The following MAPKAPK2 variants were observed in gnomAD, a reference collection of about 807,000 sequenced individuals.
MAPKAPK2 encodes the protein MAP kinase-activated protein kinase 2.
Under a neutral mutation model 48.8 loss-of-function variants are expected in MAPKAPK2, and 9 were observed. The ratio of observed to expected loss-of-function variants is 0.18; its 90% confidence interval spans 0.11 to 0.32. The LOEUF is 0.32. MAPKAPK2 is among the 10% of genes least tolerant of loss of function. MAPKAPK2 has a pLI of 1.00. For synonymous variants in MAPKAPK2, 202 were observed against 190.6 expected (o/e 1.06, Z -0.49); for missense variants, 331 against 498.3 (o/e 0.66, Z 3.20).
At chr1:206,725,937 A>C (rs1236404559) in intron 1 of MAPKAPK2, among the ~76,000 whole-genome samples, 2 of 152,144 alleles carry the variant, frequency 1.3e-5, no homozygotes, top group Non-Finnish European at 2.9e-5. Flanking sequence ...GGACTGCTCT[A>C]TTTGGTTTTG....
intron 1 of MAPKAPK2, among the ~76,000 whole-genome samples, chr1:206,705,260 G>A (rs1431044495): frequency 6.6e-6 from 1 of 152,136 alleles, no homozygotes; most frequent in African/African-American, 2.4e-5. Flanking sequence ...GCAGAGGAGG[G>A]GCCCCGGCAG....
rs1348343672 is a variant in MAPKAPK2 at position 206,731,344 on chromosome 1, A to G, written c.892+82A>G. The G allele has an allele frequency of 1.5e-5, 24 of 1,583,496 alleles. No individual in the cohort carries two copies. Among genetic ancestry groups the G allele is most frequent in the South Asian group, 3.4e-5 (3 of 88,040 alleles). Reference sequence around the variant, plus strand: ...TATGTGTGTACACGCAGACACATGTATGGGCCTCCATCTCATGTGCGTGGT... The same window carrying G: ...TATGTGTGTACACGCAGACACATGTGTGGGCCTCCATCTCATGTGCGTGGT... On this transcript the variant is annotated intron_variant, in intron 7 of 9. Transcript: ENST00000367103. This position sits in a 1 kb window ranked among gnomAD's most constrained non-coding sequence, Gnocchi z 5.9.
rs1673938293 is a variant in MAPKAPK2 at position 206,732,232 on chromosome 1, G to A, written c.1059+313G>A. The A allele has an allele frequency of 2.0e-6, 3 of 1,515,426 alleles. No homozygotes were observed. Among genetic ancestry groups the A allele is most frequent in the East Asian group, 2.4e-5 (1 of 41,330 alleles). The allele number at this position is 1,515,426 out of a possible 1,614,324, so 93.9% of individuals were successfully genotyped here. On this transcript the variant is annotated intron_variant, in intron 9 of 9. Transcript: ENST00000367103. This position sits in a 1 kb window ranked among gnomAD's most constrained non-coding sequence, Gnocchi z 4.4. The stretch of plus-strand genomic sequence containing the variant: ...AGAGAAACTGAGGCCCAGAGGCGGA[G>A]GGCAGTCTGCTCAAGGTCACGCAGC...
intron 1 of MAPKAPK2, among the ~76,000 whole-genome samples, chr1:206,710,999 C>T (rs140093304): frequency 8.7e-4 from 133 of 152,020 alleles, no homozygotes; most frequent in Non-Finnish European, 1.5e-3. Flanking sequence ...ATGTTTTGAC[C>T]GAAATTTTTA....
intron 1 of MAPKAPK2, 53 bp downstream of exon 1, chr1:206,685,561 T>G: frequency 1.5e-6 from 2 of 1,365,824 alleles, no homozygotes; most frequent in Non-Finnish European, 1.9e-6. Context: ...GCCCTGGAGC[T>G]CCACGGCGTC....
At chr1:206,706,113 CTT>C (rs1672947666) in intron 1 of MAPKAPK2, among the ~76,000 whole-genome samples, 1 of 145,784 alleles carries the variant, frequency 6.9e-6, no homozygotes, top group Non-Finnish European at 1.5e-5. Context: ...TTTCCTATCT[CTT>C]ATTTATTTAT....
chr1:206,727,022 C>G (rs1673720680), intron 1 of MAPKAPK2, among the ~76,000 whole-genome samples: 1 of 152,128 alleles, frequency 6.6e-6, no homozygotes, highest in Admixed American at 6.6e-5. Context: ...TGCCTTCATG[C>G]CTTCCCTCTG....
chr1:206,730,924 C>T (rs1673880858), intron 6 of MAPKAPK2, among the ~76,000 whole-genome samples, 161 bp downstream of exon 6: 1 of 152,188 alleles, frequency 6.6e-6, no homozygotes, highest in African/African-American at 2.4e-5. Context: ...CGGGTGTAAA[C>T]CAGCTCATGG....
At chr1:206,729,934 C>G (rs532814859) in intron 4 of MAPKAPK2, 38 bp from the exon 5 acceptor site, 4 of 1,613,646 alleles carry the variant, frequency 2.5e-6, no homozygotes, top group African/African-American at 2.7e-5. Context: ...CCTCCCAGGT[C>G]CAGCAGGGTT....
At chr1:206,696,231 C>G (rs1672621612) in intron 1 of MAPKAPK2, 2 of 1,414,814 alleles carry the variant, frequency 1.4e-6, no homozygotes, top group Non-Finnish European at 2.0e-6. Context: ...GGCTGATGAC[C>G]TGTTCTTCCT....
At chr1:206,715,361 C>T (rs1553430168) in intron 1 of MAPKAPK2, among the ~76,000 whole-genome samples, 1 of 152,218 alleles carries the variant, frequency 6.6e-6, no homozygotes, top group Non-Finnish European at 1.5e-5. Flanking sequence ...GCAGACTACT[C>T]CCTTCGGGCC....
At chr1:206,698,833 G>C (rs1227338259) in intron 1 of MAPKAPK2, among the ~76,000 whole-genome samples, 1 of 152,152 alleles carries the variant, frequency 6.6e-6, no homozygotes, top group Non-Finnish European at 1.5e-5. Context: ...AGCTATTTGG[G>C]GGGTGGGAAG....
At chr1:206,699,569 C>A (rs564386078) in intron 1 of MAPKAPK2, among the ~76,000 whole-genome samples, 1 of 152,322 alleles carries the variant, frequency 6.6e-6, no homozygotes, top group East Asian at 1.9e-4. Context: ...ACCAACGCAT[C>A]ACATAGAGCC....
chr1:206,730,872 G>A, intron 6 of MAPKAPK2, 109 bp downstream of exon 6: 1 of 1,178,288 alleles, frequency 8.5e-7, no homozygotes, highest in Non-Finnish European at 1.3e-6. Flanking sequence ...GTACAGGGGA[G>A]TCCCCTGCGT....
intron 1 of MAPKAPK2, among the ~76,000 whole-genome samples, chr1:206,715,425 C>T (rs1673294282): frequency 6.6e-6 from 1 of 152,188 alleles, no homozygotes; most frequent in Non-Finnish European, 1.5e-5. Flanking sequence ...TTTACTGTCT[C>T]AGCTCTTCAC....
intron 5 of MAPKAPK2, among the ~76,000 whole-genome samples, 198 bp from the exon 6 acceptor site, chr1:206,730,490 C>T (rs1673867088): frequency 6.6e-6 from 1 of 152,220 alleles, no homozygotes; most frequent in Non-Finnish European, 1.5e-5. Flanking sequence ...ATCTTAAGCT[C>T]CTAGTTCCAG....
At chr1:206,715,960 G>GT (rs1673314042) in intron 1 of MAPKAPK2, among the ~76,000 whole-genome samples, 1 of 149,532 alleles carries the variant, frequency 6.7e-6, no homozygotes, top group Non-Finnish European at 1.5e-5. Context: ...CTGAATATTG[G>GT]TTTTTTTGAA....
Position 206,730,047 on chromosome 1 carries a change from A to G in MAPKAPK2, c.640A>G (p.Thr214Ala). 6.2e-7 allele frequency: 1 copy of G among 1,614,162 alleles called. No homozygotes were observed. Among genetic ancestry groups the G allele is most frequent in the South Asian group, 1.1e-5 (1 of 91,084 alleles). The change falls in exon 5 of 10, where the codon ACC becomes GCC. Residue 214 changes from threonine (T) to alanine (A), a missense_variant. Around this residue, in one of 4 missense-constraint regions of MAPKAPK2, gnomAD observed 111 missense variants for 193.6 expected, o/e 0.57. Coordinates refer to ENST00000367103, the MANE Select transcript of MAPKAPK2 (RefSeq NM_032960.4). ...CACTGACTTTGGCTTTGCCAAGGAA[A>G]CCACCAGCCACAACTCTTTGACCAC... ...KLTDFGFAKE[T>A]TSHNSLTTPC...
intron 1 of MAPKAPK2, among the ~76,000 whole-genome samples, chr1:206,686,670 T>G (rs1314024913): frequency 6.6e-6 from 1 of 152,238 alleles, no homozygotes. Context: ...ATTTCAGTTG[T>G]CAAGTACAAA....
Sources: allele counts gnomAD v4.1 joint callset (sites outside exome capture counted in the v4.1 genomes callset), GRCh38; gene constraint gnomAD v4.1.1; regional missense constraint gnomAD v4.1.1; non-coding constraint Gnocchi (gnomAD v3.1); transcripts MANE v1.5; gene names NCBI Gene and HGNC (gene_info 2026-07-23, HGNC 2026-07-21).